Variants in MUC6 observed in about 807,000 individuals in gnomAD.
The protein encoded by MUC6 is mucin-6.
In MUC6, 188 loss-of-function variants were observed where a neutral mutation model predicts 201.5. The ratio of observed to expected loss-of-function variants is 0.93; its 90% CI spans 0.83 to 1.05. MUC6 has a LOEUF of 1.05. Among genes scored for constraint, MUC6 ranks in the 50% least tolerant of loss-of-function variants. MUC6 has a pLI of 0.00. For synonymous variants in MUC6, 1,228 were observed against 1,389.4 expected (o/e 0.88, Z 2.58); for missense variants, 2,706 against 3,256.9 (o/e 0.83, Z 4.12).
intron 1 of MUC6, among the ~76,000 whole-genome samples, chr11:1,034,990 G>T (rs889451001): frequency 6.6e-6 from 1 of 152,222 alleles, no homozygotes; most frequent in South Asian, 2.1e-4. Flanking sequence ...TTGGCCAGGC[G>T]CATGGGCATC....
At position 1,025,348 on chromosome 11, in the gene MUC6, G is replaced by T. The variant is rs201922465; in HGVS notation, c.2819C>A (p.Ala940Glu). 1.7e-5 allele frequency: 27 copies of T among 1,610,310 alleles called. No homozygotes were observed. The African/African-American group carries it at 2.9e-4, about 18-fold the overall frequency. The change falls in exon 23 of 33, where the codon GCG becomes GAG. Residue 940 changes from alanine (A) to glutamate (E), a missense_variant. Transcript: ENST00000421673. Reference sequence around the variant, plus strand: ...CCCGGTGACCGTGTAGTTTCTGTCCGCCAGCACCACGGACAGGCCCTGTGG... The same window carrying T: ...CCCGGTGACCGTGTAGTTTCTGTCCTCCAGCACCACGGACAGGCCCTGTGG... ...IFLGGLSVVL[A>E]DRNYTVTGEE...
In MUC6 at chr11:1,015,965, C is replaced by A. The variant is rs892498767; in HGVS notation, c.6836G>T (p.Arg2279Leu). The A allele has an allele frequency of 6.3e-6, 10 of 1,592,318 alleles. No homozygotes were observed. The highest frequency in any genetic ancestry group is 8.6e-6 in the Non-Finnish European group (10 of 1,166,516). The change falls in exon 31 of 33, where the codon CGA becomes CTA. Residue 2279 changes from arginine (R) to leucine (L), a missense_variant. This residue lies in a region of MUC6 where 586 missense variants were observed against 488.0 expected (regional missense o/e 1.20). Transcript: ENST00000421673. ...TGACACAAAGCCTGATGTGGGAACT[C>A]GGGTGGTGAGAGAAGTGGACCGCGA... ...TTSRSTSLTT[R>L]VPTSGFVSLT...
chr11:1,019,410 G>A lies in MUC6; in HGVS notation c.3895C>T (p.Pro1299Ser), dbSNP rs754725000. 1.2e-6 allele frequency: 2 copies of A among 1,613,698 alleles called. No homozygotes were observed. The highest frequency in any genetic ancestry group is 2.7e-5 in the African/African-American group (2 of 74,906). Reference sequence around the variant, plus strand: ...CTGGTTGTGGCCTGGGTCACTGTGGGTTTTGTGGCTGTCGATCTCAGTGTG... The same window carrying A: ...CTGGTTGTGGCCTGGGTCACTGTGGATTTTGTGGCTGTCGATCTCAGTGTG... ...TATLRSTATK[P>S]TVTQATTRAT... Residue 1299 changes from proline to serine, a missense_variant, in exon 30 of 33, where the codon CCC becomes TCC. Coordinates refer to ENST00000421673, the MANE Select transcript of MUC6 (RefSeq NM_005961.3).
chr11:1,036,568 G>A, intron 1 of MUC6, 36 bp downstream of exon 1: 5 of 1,548,154 alleles, frequency 3.2e-6, no homozygotes, highest in East Asian at 2.4e-5. Context: ...CCCTCTGAGG[G>A]CACCGCAGTG....
At chr11:1,014,306 T>C (rs1047809215) in intron 31 of MUC6, among the ~76,000 whole-genome samples, 4 of 152,224 alleles carry the variant, frequency 2.6e-5, no homozygotes, top group African/African-American at 7.2e-5. Flanking sequence ...GGGCCCCAGC[T>C]TCCCTGATGA....
chr11:1,018,429 T>A lies in MUC6; in HGVS notation c.4372A>T (p.Ser1458Cys), dbSNP rs1393890100. 1 of 1,614,082 alleles carries A rather than the reference T, an allele frequency of 6.2e-7. No homozygotes were observed. The highest frequency in any genetic ancestry group is 1.1e-5 in the South Asian group (1 of 91,090). ...GTAGGGGTGATGACTGTGTGAGTAC[T>A]TGGAGTCACCAAGGAGGTGGAGAAA... is the stretch of plus-strand genomic sequence containing the variant. ...PPFSTSLVTP[S>C]THTVITPTHA... Residue 1458 changes from serine to cysteine, a missense_variant, in exon 31 of 33, where the codon AGT becomes TGT. Coordinates refer to ENST00000421673, the MANE Select transcript of MUC6 (RefSeq NM_005961.3).
At chr11:1,031,485 G>C (rs559226521) in intron 4 of MUC6, 122 bp downstream of exon 4, 2 of 1,447,252 alleles carry the variant, frequency 1.4e-6, no homozygotes, top group Admixed American at 2.1e-5. Context: ...TGGCACGAAG[G>C]GCCTGGCTGC....
Position 1,016,202 on chromosome 11 carries a change from G to A in MUC6, c.6599C>T (p.Ser2200Phe). 1 of 1,613,248 alleles carries A rather than the reference G, an allele frequency of 6.2e-7. No individual in the cohort carries two copies. The highest frequency in any genetic ancestry group is 8.5e-7 in the Non-Finnish European group (1 of 1,179,678). ...ASVSASPLFP[S>F]SPAASTTIRA... ...AATGGTAGTAGAGGCAGCTGGAGAA[G>A]AAGGAAAAAGAGGAGATGCAGACAC... Residue 2200 changes from serine (S) to phenylalanine (F), a missense_variant, in exon 31 of 33, where the codon TCT becomes TTT. Ser to Phe is a radical substitution (Grantham distance 155). Coordinates refer to ENST00000421673, the MANE Select transcript of MUC6 (RefSeq NM_005961.3).
rs375302469 is a variant in MUC6 at position 1,023,408 on chromosome 11, ATGAATGTG to A, written c.3526+93_3526+100del. 1.0e-4 allele frequency: 139 copies of A among 1,388,034 alleles called. 1 individual carries two copies. In the African/African-American group the frequency reaches 1.9e-3, roughly 18 times the overall value. The allele number at this position is 1,388,034 out of a possible 1,614,324, so 86.0% of individuals were successfully genotyped here. On this transcript the variant is annotated intron_variant, in intron 26 of 32. Coordinates refer to ENST00000421673, the MANE Select transcript of MUC6 (RefSeq NM_005961.3). ...TGAATGTGTGAATTAATGAGCATGA[ATGAATGTG>A]TGAATGAATGAATGCGTGTGAATGA...
intron 6 of MUC6, 44 bp from the exon 7 acceptor site, chr11:1,030,824 A>C: frequency 6.5e-7 from 1 of 1,530,240 alleles, no homozygotes; most frequent in African/African-American, 1.4e-5. Context: ...GCCACACCCC[A>C]TGCCACCACG....
intron 31 of MUC6, among the ~76,000 whole-genome samples, chr11:1,014,589 C>G (rs1856558993): frequency 2.0e-5 from 3 of 152,204 alleles, no homozygotes; most frequent in Non-Finnish European, 4.4e-5. Context: ...CAGCACAGAG[C>G]AGGGTGGACC....
At chr11:1,031,291 G>C in intron 4 of MUC6, 32 bp from the exon 5 acceptor site, 1 of 1,542,986 alleles carries the variant, frequency 6.5e-7, no homozygotes, top group Non-Finnish European at 8.7e-7. Context: ...GGGGCCCGGG[G>C]GCCAGGGGCC....
Position 1,016,185 on chromosome 11 carries a change from T to C in MUC6, c.6616A>G (p.Thr2206Ala). ...TGGGGGAGAGTGGCCCTAATGGTAG[T>C]AGAGGCAGCTGGAGAAGAAGGAAAA... ...PLFPSSPAAS[T>A]TIRATLPHTI... The change falls in exon 31 of 33, where the codon ACT becomes GCT. Residue 2206 changes from threonine to alanine, a missense_variant. This residue lies in a region of MUC6 where 586 missense variants were observed against 488.0 expected (regional missense o/e 1.20). Transcript: ENST00000421673. The C allele has an allele frequency of 1.2e-6, 2 of 1,612,812 alleles. No homozygotes were observed. The highest frequency in any genetic ancestry group is 2.2e-5 in the South Asian group (2 of 91,004).
chr11:1,027,229 G>A lies in MUC6; in HGVS notation c.2232-36C>T, dbSNP rs1205754922. ...GAGGCTGCGTGAGACCCCGGGACCTGGCAGGGACCCCCCGCCTGGCCCCTG... is the reference window on the plus strand; with the variant it reads ...GAGGCTGCGTGAGACCCCGGGACCTAGCAGGGACCCCCCGCCTGGCCCCTG... On this transcript the variant is annotated intron_variant, in intron 17 of 32. Coordinates refer to ENST00000421673, the MANE Select transcript of MUC6 (RefSeq NM_005961.3). 11 of 1,612,016 alleles carry A rather than the reference G, an allele frequency of 6.8e-6. No homozygotes were observed. In the Admixed American group the frequency reaches 1.8e-4, roughly 27 times the overall value.
At position 1,020,251 on chromosome 11, in the gene MUC6, C is replaced by T. The variant is rs750122412; in HGVS notation, c.3647G>A (p.Arg1216Gln). 20 of 1,603,658 alleles carry T rather than the reference C, an allele frequency of 1.2e-5. No homozygotes were observed. Among genetic ancestry groups the T allele is most frequent in the East Asian group, 6.7e-5 (3 of 44,736 alleles). ...CGTCATGGGCCAGACTTGCGTGGGC[C>T]GTGAGCCTGGGTGGGCGGACATGCC... is the stretch of plus-strand genomic sequence containing the variant. ...TTPQLPTTGS[R>Q]PTQVWPMTGT... The change falls in exon 29 of 33, where the codon CGG becomes CAG. Residue 1216 changes from arginine to glutamine, a missense_variant. By Grantham distance (43) the Arg-to-Gln change is conservative (BLOSUM62 1). Transcript: ENST00000421673.
rs935731788 is a variant in MUC6, at chr11:1,031,846, A to G, written c.323T>C (p.Val108Ala). 6.2e-7 allele frequency: 1 copy of G among 1,611,850 alleles called. No individual in the cohort carries two copies. ...CTTGACTGAGATGATGGCTTCGCTC[A>G]CAGTGACGACGGAGGCCCCCAGCTC... Reference protein sequence around the residue: ...IVELGASVVTVSEAIISVKDI... With the variant: ...IVELGASVVTASEAIISVKDI... The change falls in exon 3 of 33, where the codon GTG becomes GCG. Residue 108 changes from valine (V) to alanine (A), a missense_variant. Val to Ala is a moderately conservative substitution (Grantham distance 64). This residue lies in a region of MUC6 where 1,850 missense variants were observed against 1,958.3 expected (regional missense o/e 0.94). Transcript: ENST00000421673.
In MUC6 at chr11:1,035,092, C is replaced by CGCCCACCCCTGCCTCCCG. The variant is rs1162729229; in HGVS notation, c.52+1494_52+1511dup. Among the ~76,000 whole-genome samples the CGCCCACCCCTGCCTCCCG allele has an allele frequency of 8.3e-4, 126 of 152,366 alleles. 1 individual carries two copies. Among genetic ancestry groups the CGCCCACCCCTGCCTCCCG allele is most frequent in the Admixed American group, 4.0e-3 (61 of 15,306 alleles). On this transcript the variant is annotated intron_variant, in intron 1 of 32. Transcript: ENST00000421673. ...CTGTTCCTTCTGCACGCTTGGCGGCCGCCCACCCCTGCCTCCCGGCCCACC... is the reference window on the plus strand; with the variant it reads ...CTGTTCCTTCTGCACGCTTGGCGGCCGCCCACCCCTGCCTCCCGGCCCACCCCTGCCTCCCGGCCCACC...
Position 1,033,531 on chromosome 11 carries a change from C to T in MUC6, c.53-456G>A, listed in dbSNP as rs1360758217. Among the ~76,000 whole-genome samples the T allele has an allele frequency of 1.3e-5, 2 of 151,730 alleles. No homozygotes were observed. Among genetic ancestry groups the T allele is most frequent in the African/African-American group, 2.4e-5 (1 of 41,376 alleles). On this transcript the variant is annotated intron_variant, in intron 1 of 32. Transcript: ENST00000421673. The surrounding 1 kb of genome is among the most constrained non-coding windows in gnomAD (Gnocchi z 5.6). ...CGCCAAGGCCCCACAGCCGGTTCTC[C>T]CTGCTCTCGGTGGCTCCGGGGCTCT...
chr11:1,036,614 C>G lies in MUC6; in HGVS notation c.42G>C (p.Leu14=). 6.5e-7 allele frequency: 1 copy of G among 1,548,710 alleles called. No homozygotes were observed. Among genetic ancestry groups the G allele is most frequent in the Non-Finnish European group, 8.7e-7 (1 of 1,146,472 alleles). The change falls in exon 1 of 33, where the codon CTG becomes CTC. Residue 14 remains leucine (L), a synonymous_variant. Coordinates refer to ENST00000421673, the MANE Select transcript of MUC6 (RefSeq NM_005961.3). ...CTCGACCTCACTCACCAGCGCTGAG[C>G]AGGGCTCCGCAGCAGGACAGCAGCA... ...RWLLLSCCGA[L]LSAGLANTSY...
Sources: allele counts gnomAD v4.1 joint callset (sites outside exome capture counted in the v4.1 genomes callset), GRCh38; gene constraint gnomAD v4.1.1; regional missense constraint gnomAD v4.1.1; non-coding constraint Gnocchi (gnomAD v3.1); transcripts MANE v1.5; gene names NCBI Gene and HGNC (gene_info 2026-07-23, HGNC 2026-07-21).